ATP8B1: variants seen among roughly 807,000 people sequenced by gnomAD.
ATP8B1 encodes ATPase phospholipid transporting 8B1.
Under a neutral mutation model 149.9 loss-of-function variants are expected in ATP8B1, and 80 were observed. That is an observed-to-expected ratio of 0.53 (90% CI 0.45 to 0.64). ATP8B1 has a LOEUF of 0.64. Among genes scored for constraint, ATP8B1 ranks in the 30% least tolerant of loss-of-function variants. ATP8B1 has a pLI of 0.00. For synonymous variants in ATP8B1, 536 were observed against 562.8 expected (o/e 0.95, Z 0.67); for missense variants, 1,247 against 1,552.6 (o/e 0.80, Z 3.31).
At chr18:57,753,175 C>G (rs992621081) in intron 1 of ATP8B1, among the ~76,000 whole-genome samples, 4 of 152,232 alleles carry the variant, frequency 2.6e-5, no homozygotes, top group Non-Finnish European at 4.4e-5. Flanking sequence ...AGTAATATAA[C>G]TACTTGGATA....
intron 1 of ATP8B1, among the ~76,000 whole-genome samples, chr18:57,755,853 G>A (rs1457583817): frequency 6.6e-6 from 1 of 152,018 alleles, no homozygotes; most frequent in African/African-American, 2.4e-5. Flanking sequence ...ATAATTAACG[G>A]CGCAGCACTG....
rs1909536665 is a variant in ATP8B1 at position 57,650,491 on chromosome 18, G to C, written c.3407C>G (p.Ala1136Gly). The C allele has an allele frequency of 7.4e-6, 12 of 1,613,444 alleles. No homozygotes were observed. Among genetic ancestry groups the C allele is most frequent in the Non-Finnish European group, 9.3e-6 (11 of 1,179,574 alleles). ...GTATGGCTGTCTCAGAGCGTTTGAA[G>C]CTGTGCCTGTAAAGAACATGGCAAA... ...FPSAFQFTGT[A>G]SNALRQPYIW... The change falls in exon 27 of 28, where the codon GCT (alanine) becomes GGT (glycine). Residue 1136 changes from alanine to glycine, a missense_variant. Physicochemically the swap from Ala to Gly is moderately conservative, Grantham distance 60. This residue lies in a region of ATP8B1 where 230 missense variants were observed against 356.6 expected (regional missense o/e 0.65). Transcript: ENST00000648908.
chr18:57,709,600 G>A (rs1913588412), intron 2 of ATP8B1, among the ~76,000 whole-genome samples: 1 of 152,090 alleles, frequency 6.6e-6, no homozygotes, highest in Admixed American at 6.5e-5. Context: ...AACTTTACTG[G>A]ACACTTGAAC....
At chr18:57,736,053 T>C (rs182452322) in intron 1 of ATP8B1, among the ~76,000 whole-genome samples, 183 of 151,268 alleles carry the variant, frequency 1.2e-3, no homozygotes, top group Non-Finnish European at 2.2e-3. Context: ...AGCTCCTGCT[T>C]ATGAGTGAGA....
At chr18:57,681,138 T>C (rs546833221) in intron 15 of ATP8B1, among the ~76,000 whole-genome samples, 2 of 152,274 alleles carry the variant, frequency 1.3e-5, no homozygotes, top group Admixed American at 1.3e-4. Flanking sequence ...GGGGAGAGAC[T>C]TGGAGCAGCA....
chr18:57,665,030 A>T (rs1478914799), intron 20 of ATP8B1, among the ~76,000 whole-genome samples: 1 of 151,986 alleles, frequency 6.6e-6, no homozygotes, highest in Non-Finnish European at 1.5e-5. Flanking sequence ...GCCTCTACCC[A>T]CTAGAAGCCA....
In ATP8B1 at chr18:57,706,517, G is replaced by T. The variant is rs1305626000; in HGVS notation, c.252C>A (p.Phe84Leu). Residue 84 changes from phenylalanine (F) to leucine (L), a missense_variant, in exon 3 of 28, where the codon TTC (phenylalanine) becomes TTA (leucine). Coordinates refer to ENST00000648908, the MANE Select transcript of ATP8B1 (RefSeq NM_001374385.1). ...CATATTTACTCTCCTTAATACACAA[G>T]AATTTTGTGTTCATAAAGTGAGGTT... ...HEQPHFMNTK[F>L]LCIKESKYAN... 1 of 1,613,808 alleles carries T rather than the reference G, an allele frequency of 6.2e-7. No individual in the cohort carries two copies. Among genetic ancestry groups the T allele is most frequent in the Non-Finnish European group, 8.5e-7 (1 of 1,179,774 alleles).
At chr18:57,787,523 A>G (rs1232181187) in intron 1 of ATP8B1, among the ~76,000 whole-genome samples, 3 of 152,092 alleles carry the variant, frequency 2.0e-5, no homozygotes, top group East Asian at 1.9e-4. Flanking sequence ...GTGGAGCTCC[A>G]TCTAGGACAC....
intron 20 of ATP8B1, among the ~76,000 whole-genome samples, chr18:57,666,072 T>G (rs1423043850): frequency 6.6e-6 from 1 of 152,192 alleles, no homozygotes. Flanking sequence ...CCCTCATCAC[T>G]TTATCACACC....
intron 27 of ATP8B1, among the ~76,000 whole-genome samples, chr18:57,650,015 A>T (rs1260085031): frequency 6.6e-6 from 1 of 152,198 alleles, no homozygotes. Context: ...TGTAGCTCAA[A>T]GGATCCTGCT....
chr18:57,793,046 T>C (rs1005745956), intron 1 of ATP8B1, among the ~76,000 whole-genome samples: 8 of 152,192 alleles, frequency 5.3e-5, no homozygotes. Flanking sequence ...AACACAAAGT[T>C]CTCTGAACCA....
intron 1 of ATP8B1, among the ~76,000 whole-genome samples, chr18:57,794,881 G>A (rs2080498033): frequency 1.3e-5 from 2 of 152,104 alleles, no homozygotes; most frequent in South Asian, 4.1e-4. Context: ...GGAGAGGCAC[G>A]TGCTGCCTTC....
rs988797975 is a variant in ATP8B1, at chr18:57,647,428, A to G, written c.*1060T>C. The G allele has an allele frequency of 6.6e-6, 1 of 152,208 alleles. No individual in the cohort carries two copies. Among genetic ancestry groups the G allele is most frequent in the East Asian group, 1.9e-4 (1 of 5,204 alleles). 9.4% of individuals were successfully genotyped at this position (152,208 alleles called of 1,614,324 possible). A position where few individuals can be genotyped will look rare whatever the true frequency, so the allele number is the denominator to read the frequency against. On this transcript the variant is annotated 3_prime_UTR_variant, in exon 28 of 28. Transcript: ENST00000648908. The stretch of plus-strand genomic sequence containing the variant: ...ATATGAGGAAACATGAAACCATGCA[A>G]TCTACTATCAACTTTGAAAAAGTGA...
chr18:57,745,640 A>G (rs2096086660), intron 1 of ATP8B1, among the ~76,000 whole-genome samples: 1 of 142,030 alleles, frequency 7.0e-6, no homozygotes, highest in African/African-American at 2.7e-5. Context: ...GTCCAACAAG[A>G]TCTCATGGTT....
intron 1 of ATP8B1, among the ~76,000 whole-genome samples, chr18:57,779,705 C>G (rs2123410415): frequency 6.6e-6 from 1 of 152,076 alleles, no homozygotes; most frequent in East Asian, 1.9e-4. Context: ...CGAGACCAGC[C>G]CAACCAACAT....
chr18:57,751,547 C>G (rs1459535404), intron 1 of ATP8B1, among the ~76,000 whole-genome samples: 1 of 152,108 alleles, frequency 6.6e-6, no homozygotes, highest in Non-Finnish European at 1.5e-5. Flanking sequence ...CAATGACTCT[C>G]AAGAAACAGC....
chr18:57,792,876 G>C (rs972674812), intron 1 of ATP8B1, among the ~76,000 whole-genome samples: 6 of 152,128 alleles, frequency 3.9e-5, no homozygotes, highest in Non-Finnish European at 8.8e-5. Flanking sequence ...GGGACTAGGG[G>C]CTTGTGAGTG....
In ATP8B1 at chr18:57,741,838, A is replaced by G. The variant is rs372822456; in HGVS notation, c.-25-10006T>C. 7.2e-5 allele frequency among the ~76,000 whole-genome samples: 11 copies of G among 152,276 alleles called. No homozygotes were observed. The East Asian group carries it at 1.7e-3, about 24-fold the overall frequency. On this transcript the variant is annotated intron_variant, in intron 1 of 27. Coordinates refer to ENST00000648908, the MANE Select transcript of ATP8B1 (RefSeq NM_001374385.1). The stretch of plus-strand genomic sequence containing the variant: ...CTATTTTCCTAGTTAGTCCAGACAC[A>G]TGCCACACCCTGTTTGGAGTCTGCC...
chr18:57,752,229 A>AATAATAATG (rs1350016490), intron 1 of ATP8B1, among the ~76,000 whole-genome samples: 2 of 147,810 alleles, frequency 1.4e-5, no homozygotes, highest in Non-Finnish European at 3.0e-5. Flanking sequence ...TAATAATGAT[A>AATAATAATG]ATAATAATAA....
Sources: allele counts gnomAD v4.1 joint callset (sites outside exome capture counted in the v4.1 genomes callset), GRCh38; gene constraint gnomAD v4.1.1; regional missense constraint gnomAD v4.1.1; transcripts MANE v1.5; gene names NCBI Gene and HGNC (gene_info 2026-07-23, HGNC 2026-07-21).